The following HMGCS1 variants were observed in gnomAD, a reference collection of about 807,000 sequenced individuals.
The protein encoded by HMGCS1 is hydroxymethylglutaryl-CoA synthase, cytoplasmic.
Under a neutral mutation model 52.3 loss-of-function variants are expected in HMGCS1, and 9 were observed. The observed-to-expected ratio is 0.17, with a 90% confidence interval of 0.10 to 0.30. The LOEUF is 0.30. Among genes scored for constraint, HMGCS1 ranks in the 10% least tolerant of loss-of-function variants. HMGCS1 has a pLI of 1.00. For synonymous variants in HMGCS1, 176 were observed against 214.4 expected (o/e 0.82, Z 1.57); for missense variants, 320 against 620.9 (o/e 0.52, Z 5.15).
At chr5:43,299,511 G>C (rs758252301) in intron 2 of HMGCS1, among the ~76,000 whole-genome samples, 1 of 152,014 alleles carries the variant, frequency 6.6e-6, no homozygotes, top group Admixed American at 6.5e-5. Flanking sequence ...TTAGCCGGGC[G>C]TGGTGGCAGA....
At position 43,305,275 on chromosome 5, in the gene HMGCS1, C is replaced by T. The variant is rs561210119; in HGVS notation, c.-11+2491G>A. Among the ~76,000 whole-genome samples the T allele has an allele frequency of 6.6e-5, 10 of 152,238 alleles. No homozygotes were observed. The East Asian group carries it at 1.7e-3, about 26-fold the overall frequency. On this transcript the variant is annotated intron_variant, in intron 2 of 10. Transcript: ENST00000325110. ...TGCTGGGATTACAGGCGTGAGCCAC[C>T]GTGCCCAGCAAATGTTACTTTTAAC...
intron 10 of HMGCS1, among the ~76,000 whole-genome samples, chr5:43,291,987 CTTTTTTTTTTTT>C (rs537398917): frequency 2.4e-5 from 2 of 83,140 alleles, no homozygotes; most frequent in South Asian, 4.4e-4. Context: ...ACTGTATATT[CTTTTTTTTTTTT>C]TTTTTTTTTT....
chr5:43,297,920 C>T, intron 4 of HMGCS1, 89 bp downstream of exon 4: 1 of 1,117,682 alleles, frequency 8.9e-7, no homozygotes, highest in South Asian at 1.5e-5. Context: ...ATTTAATGAC[C>T]ATTAAGTAAG....
Position 43,288,102 on chromosome 5 carries a change from C to G in HMGCS1, c.*3029G>C, listed in dbSNP as rs901098643. The stretch of plus-strand genomic sequence containing the variant: ...TCTGCAAGGCTGAATAAGGAATATA[C>G]ATAGAATGAATAGTGCTTACTACTG... On this transcript the variant is annotated 3_prime_UTR_variant, in exon 11 of 11. Transcript: ENST00000325110. 7 of 152,172 alleles carry G rather than the reference C, an allele frequency of 4.6e-5. No individual in the cohort carries two copies. Among genetic ancestry groups the G allele is most frequent in the Admixed American group, 1.3e-4 (2 of 15,282 alleles). The allele number at this position is 152,172 out of a possible 1,614,324, so 9.4% of individuals were successfully genotyped here. A position where few individuals can be genotyped will look rare whatever the true frequency, so the allele number is the denominator to read the frequency against.
chr5:43,294,536 A>T, intron 7 of HMGCS1, 155 bp downstream of exon 7: 1 of 542,400 alleles, frequency 1.8e-6, no homozygotes, highest in Non-Finnish European at 3.2e-6. Context: ...CTCAACCCAT[A>T]CATCTTTCAA....
At chr5:43,310,258 T>A (rs529281401) in intron 1 of HMGCS1, among the ~76,000 whole-genome samples, 3 of 152,330 alleles carry the variant, frequency 2.0e-5, no homozygotes, top group East Asian at 3.9e-4. Context: ...ATTCTACTCA[T>A]CTTCAAGGCC....
intron 1 of HMGCS1, among the ~76,000 whole-genome samples, chr5:43,308,854 G>A (rs940449523): frequency 3.3e-5 from 5 of 151,560 alleles, no homozygotes; most frequent in African/African-American, 7.3e-5. Context: ...CAGTCGTAGC[G>A]CCTTTTACTT....
intron 2 of HMGCS1, among the ~76,000 whole-genome samples, chr5:43,301,275 T>TAA (rs1325492905): frequency 6.6e-6 from 1 of 152,158 alleles, no homozygotes; most frequent in Admixed American, 6.5e-5. Flanking sequence ...GTGGATCAGG[T>TAA]AAATAATAGA....
At chr5:43,291,954 A>G (rs188337596) in intron 10 of HMGCS1, among the ~76,000 whole-genome samples, 3 of 146,072 alleles carry the variant, frequency 2.1e-5, no homozygotes, top group Admixed American at 2.0e-4. Context: ...AAATCCTGGT[A>G]TCATTAATAA....
intron 7 of HMGCS1, 144 bp downstream of exon 7, chr5:43,294,547 G>C (rs2111646390): frequency 1.8e-6 from 1 of 558,142 alleles, no homozygotes; most frequent in East Asian, 3.0e-5. Flanking sequence ...CATCTTTCAA[G>C]TCAATGGACA....
intron 8 of HMGCS1, among the ~76,000 whole-genome samples, chr5:43,293,245 G>C (rs1162512804): frequency 1.3e-5 from 2 of 152,044 alleles, no homozygotes; most frequent in Non-Finnish European, 2.9e-5. Context: ...TTAATCCATG[G>C]TACAATTATT....
chr5:43,306,167 A>AT (rs1754565939), intron 2 of HMGCS1, among the ~76,000 whole-genome samples: 1 of 152,224 alleles, frequency 6.6e-6, no homozygotes. Flanking sequence ...GAAACTCCAT[A>AT]TGCTATTTCC....
At chr5:43,309,967 T>G in intron 1 of HMGCS1, among the ~76,000 whole-genome samples, 1 of 152,250 alleles carries the variant, frequency 6.6e-6, no homozygotes, top group Non-Finnish European at 1.5e-5. Flanking sequence ...GCTCCCTCCT[T>G]AGCCTTGATT....
At chr5:43,293,069 T>A in intron 8 of HMGCS1, 96 bp from the exon 9 acceptor site, 1 of 936,468 alleles carries the variant, frequency 1.1e-6, no homozygotes, top group South Asian at 1.5e-5. Context: ...GCAAAACAAC[T>A]TTTCATTTTC....
At chr5:43,294,224 G>T in intron 7 of HMGCS1, 62 bp from the exon 8 acceptor site, 1 of 1,019,502 alleles carries the variant, frequency 9.8e-7, no homozygotes, top group Non-Finnish European at 1.5e-6. Context: ...CGTGTGGGAA[G>T]CTATAAAAGT....
At position 43,292,918 on chromosome 5, in the gene HMGCS1, A is replaced by G; in HGVS notation, c.1239T>C (p.Asp413=). The G allele has an allele frequency of 6.2e-7, 1 of 1,610,300 alleles. No individual in the cohort carries two copies. Among genetic ancestry groups the G allele is most frequent in the Non-Finnish European group, 8.5e-7 (1 of 1,178,792 alleles). The change falls in exon 9 of 11, where the codon GAT becomes GAC. Residue 413 remains aspartate, a synonymous_variant. Transcript: ENST00000325110. The part of the protein sequence containing the change: ...ASLCDLKSRL[D]SRTGVAPDVF... ...CATCTGGTGCCACACCAGTTCTTGA[A>G]TCAAGCCTTGATTTAAGATCACATA...
intron 1 of HMGCS1, among the ~76,000 whole-genome samples, chr5:43,311,387 AAATCT>A (rs1754861847): frequency 6.6e-6 from 1 of 152,160 alleles, no homozygotes; most frequent in Non-Finnish European, 1.5e-5. Context: ...CCCACCTTTT[AAATCT>A]ATACTACCTT....
rs532202863 is a variant in HMGCS1 at position 43,298,465 on chromosome 5, T to C, written c.448+53A>G. The C allele has an allele frequency of 2.1e-6, 3 of 1,406,008 alleles. No homozygotes were observed. The East Asian group carries it at 6.9e-5, about 32-fold the overall frequency. 87.1% of individuals were successfully genotyped at this position (1,406,008 alleles called of 1,614,324 possible). A position where few individuals can be genotyped will look rare whatever the true frequency, so the allele number is the denominator to read the frequency against. ...TAATTAAAGTGTCATCTGGGTCTAT[T>C]GAACCTTAGAAAAAAATTTTGGGGG... On this transcript the variant is annotated intron_variant, in intron 3 of 10. Coordinates refer to ENST00000325110, the MANE Select transcript of HMGCS1 (RefSeq NM_001098272.3). The surrounding 1 kb of genome is among the most constrained non-coding windows in gnomAD (Gnocchi z 5.6).
At chr5:43,312,925 T>G (rs1003948234) in intron 1 of HMGCS1, 5 of 152,126 alleles carry the variant, frequency 3.3e-5, no homozygotes, top group African/African-American at 1.2e-4. Flanking sequence ...CTAAAGAGGA[T>G]CTTGCCCATC....
Sources: allele counts gnomAD v4.1 joint callset (sites outside exome capture counted in the v4.1 genomes callset), GRCh38; gene constraint gnomAD v4.1.1; non-coding constraint Gnocchi (gnomAD v3.1); transcripts MANE v1.5; gene names NCBI Gene and HGNC (gene_info 2026-07-23, HGNC 2026-07-21).